MEMO1: variants seen among roughly 807,000 people sequenced by gnomAD.
MEMO1 encodes mediator of cell motility 1, also known as protein MEMO1.
Under a neutral mutation model 45.2 loss-of-function variants are expected in MEMO1, and 6 were observed. That is an observed-to-expected ratio of 0.13 (90% CI 0.07 to 0.26). MEMO1 has a LOEUF of 0.26. Among genes scored for constraint, MEMO1 ranks in the 10% least tolerant of loss-of-function variants. The pLI is 1.00. For missense variants in MEMO1, 184 were observed against 370.5 expected, an observed-to-expected ratio of 0.50 and a Z score of 4.13; for synonymous variants, 78 against 124.3, an observed-to-expected ratio of 0.63 and a Z score of 2.48.
At chr2:31,953,707 T>C (rs1436370164) in intron 2 of MEMO1, among the ~76,000 whole-genome samples, 1 of 152,132 alleles carries the variant, frequency 6.6e-6, no homozygotes, top group Admixed American at 6.5e-5. Context: ...TCCGCCCACC[T>C]TGGCATCCCA....
At chr2:31,956,812 T>C (rs570592294) in intron 2 of MEMO1, among the ~76,000 whole-genome samples, 2 of 152,300 alleles carry the variant, frequency 1.3e-5, no homozygotes, top group African/African-American at 2.4e-5. Context: ...TGATTATGTA[T>C]TGGTTTGTAT....
intron 2 of MEMO1, among the ~76,000 whole-genome samples, chr2:31,945,420 C>T (rs1180542150): frequency 4.6e-5 from 7 of 152,166 alleles, no homozygotes; most frequent in Admixed American, 4.6e-4. Context: ...AACTTGACTA[C>T]AGCATTGCTA....
intron 6 of MEMO1, among the ~76,000 whole-genome samples, chr2:31,913,546 T>TA (rs1416095487): frequency 5.3e-5 from 8 of 151,430 alleles, no homozygotes; most frequent in Non-Finnish European, 1.0e-4. Flanking sequence ...TTTTGAAAAT[T>TA]AAAAAAACAT....
intron 6 of MEMO1, among the ~76,000 whole-genome samples, chr2:31,912,908 T>C (rs568672139): frequency 5.9e-5 from 9 of 152,194 alleles, no homozygotes; most frequent in African/African-American, 1.4e-4. Flanking sequence ...AGCAATGAGA[T>C]TGTAAGTCAT....
intron 6 of MEMO1, among the ~76,000 whole-genome samples, chr2:31,912,701 G>A (rs990476111): frequency 5.9e-5 from 9 of 151,920 alleles, no homozygotes; most frequent in Admixed American, 1.3e-4. Flanking sequence ...AAACATAAAC[G>A]TGTATGTATA....
intron 6 of MEMO1, among the ~76,000 whole-genome samples, chr2:31,913,894 C>G (rs563787337): frequency 3.3e-5 from 5 of 152,168 alleles, no homozygotes; most frequent in Non-Finnish European, 7.3e-5. Context: ...GTTCCCTCTC[C>G]TTGAATTTAG....
chr2:31,961,108 AG>A (rs1035079569), intron 2 of MEMO1, among the ~76,000 whole-genome samples: 43 of 152,346 alleles, frequency 2.8e-4, no homozygotes, highest in African/African-American at 9.9e-4. Context: ...TGTAAATCCC[AG>A]CACTTTGGGA....
At chr2:32,010,128 G>A (rs1442877960) in intron 2 of MEMO1, 59 bp downstream of exon 2, 246 of 918,776 alleles carry the variant, frequency 2.7e-4, no homozygotes, top group Non-Finnish European at 3.2e-4. Context: ...GACCTCGGCC[G>A]GCCGGGCGTG....
intron 2 of MEMO1, among the ~76,000 whole-genome samples, chr2:31,944,552 A>C (rs1239290542): frequency 6.6e-6 from 1 of 152,198 alleles, no homozygotes; most frequent in Admixed American, 6.5e-5. Flanking sequence ...CTCGTATTTC[A>C]ACAAATTGTC....
intron 2 of MEMO1, among the ~76,000 whole-genome samples, chr2:31,947,200 C>A (rs1194287016): frequency 6.6e-6 from 1 of 152,134 alleles, no homozygotes; most frequent in Non-Finnish European, 1.5e-5. Context: ...AGAAAATATA[C>A]CTGAATTCAT....
intron 4 of MEMO1, among the ~76,000 whole-genome samples, chr2:31,924,785 A>T (rs1050267516): frequency 6.6e-6 from 1 of 152,186 alleles, no homozygotes; most frequent in Non-Finnish European, 1.5e-5. Flanking sequence ...AAAAATATGT[A>T]TCAAAATCAA....
Position 31,943,482 on chromosome 2 carries a change from C to A in MEMO1, c.62-99G>T, listed in dbSNP as rs147279013. ...CTCACTGAACTTATGTGGGACTAAA[C>A]TAGCTTAATGCGCAATAGGATCATC... On this transcript the variant is annotated intron_variant, in intron 2 of 9. Transcript: ENST00000404530. The A allele has an allele frequency of 5.3e-4, 445 of 838,728 alleles. 5 individuals carry two copies. In the East Asian group the frequency reaches 0.011, roughly 20 times the overall value. 52.0% of individuals were successfully genotyped at this position (838,728 alleles called of 1,614,324 possible). A position where few individuals can be genotyped will look rare whatever the true frequency, so the allele number is the denominator to read the frequency against.
chr2:31,890,676 T>G (rs920841690), intron 7 of MEMO1, among the ~76,000 whole-genome samples: 6 of 152,108 alleles, frequency 3.9e-5, no homozygotes, highest in African/African-American at 1.4e-4. Context: ...TACCTGCATA[T>G]CCTAAAAATC....
intron 8 of MEMO1, among the ~76,000 whole-genome samples, chr2:31,878,803 T>C (rs935764129): frequency 1.1e-4 from 3 of 28,496 alleles, no homozygotes; most frequent in African/African-American, 4.7e-4. Flanking sequence ...AAAAAGACAA[T>C]TTTAATGACG....
Position 31,951,981 on chromosome 2 carries a change from G to A in MEMO1, c.62-8598C>T, listed in dbSNP as rs565463882. On this transcript the variant is annotated intron_variant, in intron 2 of 9. Transcript: ENST00000404530. ...TATTTTTAGATATATCTCAAAGGAT[G>A]TTGTTTGTTTTTATGTATCTGATAG... is the stretch of plus-strand genomic sequence containing the variant. Among the ~76,000 whole-genome samples the A allele has an allele frequency of 1.1e-4, 17 of 152,238 alleles. No homozygotes were observed. In the South Asian group the frequency reaches 3.3e-3, roughly 30 times the overall value.
intron 6 of MEMO1, among the ~76,000 whole-genome samples, chr2:31,897,926 T>C (rs1678124258): frequency 6.6e-6 from 1 of 152,030 alleles, no homozygotes; most frequent in Non-Finnish European, 1.5e-5. Context: ...ATTTGACTTC[T>C]TCCTGGTTTA....
At chr2:31,893,381 C>T in intron 6 of MEMO1, 2 of 1,092,814 alleles carry the variant, frequency 1.8e-6, no homozygotes, top group Non-Finnish European at 2.3e-6. Flanking sequence ...ATCTCTTTCT[C>T]TAACTGTTAC....
chr2:31,932,214 T>C (rs1486863390), intron 3 of MEMO1, 79 bp from the exon 4 acceptor site: 2 of 1,178,246 alleles, frequency 1.7e-6, no homozygotes, highest in Admixed American at 1.8e-5. Flanking sequence ...TTGAAATAAA[T>C]ACAGTACCTA....
chr2:31,891,364 C>T (rs889417608), intron 7 of MEMO1, among the ~76,000 whole-genome samples: 1 of 152,144 alleles, frequency 6.6e-6, no homozygotes, highest in Non-Finnish European at 1.5e-5. Flanking sequence ...CCACAAACAG[C>T]TCACTTCTCT....
Sources: gnomAD v4.1 joint callset for allele counts (sites outside exome capture counted in the v4.1 genomes callset) on GRCh38, gnomAD v4.1.1 for gene constraint, MANE v1.5 for transcripts, NCBI Gene and HGNC (gene_info 2026-07-23, HGNC 2026-07-21) for gene names.